Variants in FARP1 observed in about 807,000 individuals in gnomAD.
FARP1 encodes the protein FERM, ARH/RhoGEF and pleckstrin domain protein 1.
FARP1 carries 52 observed loss-of-function variants against 128.8 expected under a neutral mutation model. The observed-to-expected ratio is 0.40, with a 90% CI of 0.32 to 0.51. The LOEUF is 0.51. FARP1 is among the 20% of genes least tolerant of loss of function. FARP1 has a pLI of 0.45. For synonymous variants in FARP1, 580 were observed against 551.8 expected, an observed-to-expected ratio of 1.05 and a Z score of -0.72; for missense variants, 1,333 against 1,367.9, an observed-to-expected ratio of 0.97 and a Z score of 0.40.
chr13:98,453,082 G>T lies in FARP1; in HGVS notation c.*4765G>T. 1 of 1,478,206 alleles carries T rather than the reference G, an allele frequency of 6.8e-7. No homozygotes were observed. The allele number at this position is 1,478,206 out of a possible 1,614,324, so 91.6% of individuals were successfully genotyped here. Reference sequence around the variant, plus strand: ...GCTCCCAGTGGCGCACCTCTTCGGTGGAGTCAGCGAAGGCTCTCGTTGACT... The same window carrying T: ...GCTCCCAGTGGCGCACCTCTTCGGTTGAGTCAGCGAAGGCTCTCGTTGACT... On this transcript the variant is annotated 3_prime_UTR_variant, in exon 27 of 27. Coordinates refer to ENST00000319562, the MANE Select transcript of FARP1 (RefSeq NM_005766.4).
At chr13:98,197,167 G>T (rs1473007951) in intron 1 of FARP1, among the ~76,000 whole-genome samples, 1 of 152,072 alleles carries the variant, frequency 6.6e-6, no homozygotes, top group Non-Finnish European at 1.5e-5. Context: ...TCATAAAGTT[G>T]TATAAGATGA....
intron 1 of FARP1, among the ~76,000 whole-genome samples, chr13:98,167,445 T>G (rs72653398): frequency 6.7e-6 from 1 of 148,328 alleles, no homozygotes; most frequent in South Asian, 2.1e-4. Flanking sequence ...ACTCTCACTC[T>G]GTCACCCAGG....
chr13:98,371,655 T>C (rs903428185), intron 5 of FARP1, among the ~76,000 whole-genome samples: 2 of 152,132 alleles, frequency 1.3e-5, no homozygotes, highest in Non-Finnish European at 2.9e-5. Flanking sequence ...CTCAAATTCC[T>C]GTAGAAGCAA....
chr13:98,440,367 A>G, intron 23 of FARP1, 132 bp downstream of exon 23: 1 of 713,038 alleles, frequency 1.4e-6, no homozygotes, highest in South Asian at 1.7e-5. Flanking sequence ...GCCAAAGATC[A>G]AGACAGTTCT....
intron 2 of FARP1, among the ~76,000 whole-genome samples, chr13:98,243,886 A>G (rs1882919236): frequency 6.6e-6 from 1 of 152,106 alleles, no homozygotes; most frequent in Non-Finnish European, 1.5e-5. Flanking sequence ...TCCCTGCTGT[A>G]CATGTGGAAT....
At chr13:98,364,229 T>A (rs1888992245) in intron 3 of FARP1, among the ~76,000 whole-genome samples, 1 of 152,224 alleles carries the variant, frequency 6.6e-6, no homozygotes, top group Non-Finnish European at 1.5e-5. Flanking sequence ...TAGGTCCTGA[T>A]TCTCTAATAA....
chr13:98,405,129 C>G (rs1170941548), intron 13 of FARP1: 1 of 152,162 alleles, frequency 6.6e-6, no homozygotes, highest in Non-Finnish European at 1.5e-5. Flanking sequence ...TGCCCAATCC[C>G]AAAGCGGGAA....
At position 98,368,097 on chromosome 13, in the gene FARP1, C is replaced by CT. The variant is rs1429539980; in HGVS notation, c.320-13dup. The CT allele has an allele frequency of 2.5e-6, 4 of 1,601,252 alleles. No homozygotes were observed. Among genetic ancestry groups the CT allele is most frequent in the African/African-American group, 1.3e-5 (1 of 74,720 alleles). On this transcript the variant is annotated intron_variant, in intron 4 of 26. Coordinates refer to ENST00000319562, the MANE Select transcript of FARP1 (RefSeq NM_005766.4). Reference sequence around the variant, plus strand: ...ACACAAATCAGTAAATGCTTTACTTCTTTTTTTCTTCTTCTTTAGGGCCAA... The same window carrying CT: ...ACACAAATCAGTAAATGCTTTACTTCTTTTTTTTCTTCTTCTTTAGGGCCAA...
chr13:98,165,194 G>C (rs1233176837), intron 1 of FARP1, among the ~76,000 whole-genome samples: 1 of 105,948 alleles, frequency 9.4e-6, no homozygotes, highest in African/African-American at 3.4e-5. Flanking sequence ...CAGCCTGGGT[G>C]ACAAAGCCAG....
Position 98,435,685 on chromosome 13 carries a change from C to A in FARP1, c.2253C>A (p.Asp751Glu). 6.2e-7 allele frequency: 1 copy of A among 1,614,150 alleles called. No individual in the cohort carries two copies. Among genetic ancestry groups the A allele is most frequent in the East Asian group, 2.2e-5 (1 of 44,884 alleles). ...HELKKDLIGI[D>E]NLVVPGREFI... ...TCAAGAAAGATTTGATTGGCATTGA[C>A]AATCTTGTGGTTCCGGGAAGGGTAA... Residue 751 changes from aspartate (D) to glutamate (E), a missense_variant, in exon 19 of 27, where the codon GAC (aspartate) becomes GAA (glutamate). Physicochemically the swap from Asp to Glu is conservative, Grantham distance 45 (BLOSUM62 2). This residue lies in a region of FARP1 where 1,009 missense variants were observed against 969.8 expected (regional missense o/e 1.04). Coordinates refer to ENST00000319562, the MANE Select transcript of FARP1 (RefSeq NM_005766.4).
At chr13:98,396,152 G>A (rs1364203754) in intron 13 of FARP1, 3 of 399,154 alleles carry the variant, frequency 7.5e-6, no homozygotes, top group Non-Finnish European at 8.8e-6. Context: ...GGGAAGTGGG[G>A]GCAAGCCAGC....
intron 3 of FARP1, 42 bp downstream of exon 3, chr13:98,343,908 C>T: frequency 7.6e-7 from 1 of 1,309,572 alleles, no homozygotes; most frequent in Non-Finnish European, 1.1e-6. Context: ...ACTGTCTGTT[C>T]ATCTTGGTGG....
Position 98,443,416 on chromosome 13 carries a change from C to A in FARP1, c.2796+2580C>A, listed in dbSNP as rs545041286. Among the ~76,000 whole-genome samples, 3 of 152,306 alleles carry A rather than the reference C, an allele frequency of 2.0e-5. No individual in the cohort carries two copies. The South Asian group carries it at 6.2e-4, about 32-fold the overall frequency. ...CAATCTTGTGTCGGTGGCAGGCAGCCCTCATGTGCCAGACGCCAAATGCTC... is the reference window on the plus strand; with the variant it reads ...CAATCTTGTGTCGGTGGCAGGCAGCACTCATGTGCCAGACGCCAAATGCTC... On this transcript the variant is annotated intron_variant, in intron 24 of 26. Transcript: ENST00000319562.
intron 2 of FARP1, among the ~76,000 whole-genome samples, chr13:98,313,273 A>T (rs1462132880): frequency 1.4e-5 from 2 of 145,794 alleles, no homozygotes; most frequent in South Asian, 4.4e-4. Flanking sequence ...ACACACACAC[A>T]CTCTGGAATC....
chr13:98,181,635 T>TG (rs781748804), intron 1 of FARP1, among the ~76,000 whole-genome samples: 45,997 of 119,516 alleles, frequency 0.38, 8,224 homozygotes, highest in Admixed American at 0.44. Flanking sequence ...TTTATTTATT[T>TG]ATTTATTTGA....
At position 98,239,573 on chromosome 13, in the gene FARP1, T is replaced by C. The variant is rs143383841; in HGVS notation, c.171+26160T>C. Among the ~76,000 whole-genome samples the C allele has an allele frequency of 1.4e-3, 208 of 152,072 alleles. 1 individual carries two copies. The highest frequency in any genetic ancestry group is 4.7e-3 in the African/African-American group (193 of 41,476). On this transcript the variant is annotated intron_variant, in intron 2 of 26. Coordinates refer to ENST00000319562, the MANE Select transcript of FARP1 (RefSeq NM_005766.4). ...GGAGCTGAAGAACTGATCTCCAGCA[T>C]GAGTGGGGCTGAGGTCCGGATTAGG...
intron 16 of FARP1, among the ~76,000 whole-genome samples, chr13:98,423,980 G>A (rs1891687476): frequency 6.6e-6 from 1 of 152,106 alleles, no homozygotes. Flanking sequence ...CTCTTCCTGG[G>A]CCACACACCC....
intron 1 of FARP1, among the ~76,000 whole-genome samples, chr13:98,210,675 G>A (rs561381535): frequency 5.9e-5 from 9 of 151,548 alleles, no homozygotes; most frequent in South Asian, 4.2e-4. Flanking sequence ...TCAGCCTCCC[G>A]AGTAGCTGGG....
rs548745369 is a variant in FARP1, at chr13:98,200,390, C to A, written c.-23-12830C>A. 5.0e-4 allele frequency among the ~76,000 whole-genome samples: 28 copies of A among 55,788 alleles called. 1 individual carries two copies. The highest frequency in any genetic ancestry group is 6.5e-3 in the Middle Eastern group (1 of 154). 36.6% of individuals were successfully genotyped at this position (55,788 alleles called of 152,430 possible). A position where few individuals can be genotyped will look rare whatever the true frequency, so the allele number is the denominator to read the frequency against. ...AATCACCTGGAATGCAACCTTCACC[C>A]CCCCCCCCTCCCCTTTGTGATTCAG... On this transcript the variant is annotated intron_variant, in intron 1 of 26. Transcript: ENST00000319562.
Sources: gnomAD v4.1 joint callset for allele counts (sites outside exome capture counted in the v4.1 genomes callset) on GRCh38, gnomAD v4.1.1 for gene constraint, gnomAD v4.1.1 regional missense constraint, MANE v1.5 for transcripts, NCBI Gene and HGNC (gene_info 2026-07-23, HGNC 2026-07-21) for gene names.